MR1: variants seen among roughly 807,000 people sequenced by gnomAD.
The protein encoded by MR1 is major histocompatibility complex, class I-related, also known as major histocompatibility complex class I-related protein 1.
Under a neutral mutation model 37.8 loss-of-function variants are expected in MR1, and 44 were observed. The observed-to-expected ratio is 1.16, with a 90% CI of 0.91 to 1.50. MR1 has a LOEUF of 1.50. Ranked by LOEUF, MR1 falls within the 40% of genes most tolerant of loss-of-function variation. The pLI, the probability that MR1 is intolerant of heterozygous loss-of-function variation, is 0.00. For missense variants in MR1, 386 were observed against 419.1 expected, an observed-to-expected ratio of 0.92 and a Z score of 0.69; for synonymous variants, 153 against 155.8, an observed-to-expected ratio of 0.98 and a Z score of 0.13.
intron 5 of MR1, 96 bp downstream of exon 5, chr1:181,053,773 A>C (rs956215922): frequency 2.2e-5 from 20 of 903,770 alleles, no homozygotes; most frequent in Admixed American, 4.1e-5. Context: ...TCCATTCAGA[A>C]ATGGCTTGGC....
chr1:181,043,255 G>A (rs1657663764), intron 1 of MR1, among the ~76,000 whole-genome samples: 1 of 152,194 alleles, frequency 6.6e-6, no homozygotes. Context: ...GAGGGACATT[G>A]GGACCTTATG....
At chr1:181,039,856 A>G (rs1657461909) in intron 1 of MR1, among the ~76,000 whole-genome samples, 1 of 138,382 alleles carries the variant, frequency 7.2e-6, no homozygotes, top group Admixed American at 7.6e-5. Context: ...TCAGAGCGAG[A>G]CTCCATCTCA....
At chr1:181,054,552 T>C (rs542036747) in intron 5 of MR1, among the ~76,000 whole-genome samples, 4 of 152,242 alleles carry the variant, frequency 2.6e-5, no homozygotes, top group South Asian at 4.1e-4. Context: ...ACCCTTTTAC[T>C]AGAAAATCAG....
chr1:181,033,856 G>A (rs1048686791), upstream of MR1: 8 of 600,690 alleles, frequency 1.3e-5, no homozygotes, highest in Admixed American at 2.9e-4. Flanking sequence ...AGGTGTTCAT[G>A]CTTTCATTTT....
intron 3 of MR1, chr1:181,050,975 A>G (rs1185120938): frequency 2.0e-5 from 3 of 149,752 alleles, no homozygotes; most frequent in African/African-American, 7.4e-5. Flanking sequence ...GCAAGACCCT[A>G]TTTAAAAAAA....
rs976316764 is a variant in MR1, at chr1:181,054,677, C to T, written c.986-548C>T. On this transcript the variant is annotated intron_variant, in intron 5 of 5. Coordinates refer to ENST00000367580, the MANE Select transcript of MR1 (RefSeq NM_001385161.1). ...GATCAGCCTGGCCAACATGGTGAAA[C>T]CCTGCCTCTACTGAAAATATTAAAA... Among the ~76,000 whole-genome samples, 10 of 149,896 alleles carry T rather than the reference C, an allele frequency of 6.7e-5. No individual in the cohort carries two copies. The East Asian group carries it at 1.8e-3, about 27-fold the overall frequency.
rs1319484130 is a variant in MR1, at chr1:181,057,018, G to A, written c.*1753G>A. 6.6e-6 allele frequency: 1 copy of A among 152,224 alleles called. No individual in the cohort carries two copies. The highest frequency in any genetic ancestry group is 1.5e-5 in the Non-Finnish European group (1 of 68,164). The allele number at this position is 152,224 out of a possible 1,614,324, so 9.4% of individuals were successfully genotyped here. A position where few individuals can be genotyped will look rare whatever the true frequency, so the allele number is the denominator to read the frequency against. ...GCCTATAGTCCCAGCTACTTGGGAG[G>A]CTAAGGCAGGAGAATCACTTGAATC... On this transcript the variant is annotated 3_prime_UTR_variant, in exon 6 of 6. Transcript: ENST00000367580.
chr1:181,040,289 C>CA, intron 1 of MR1, among the ~76,000 whole-genome samples: 1 of 152,252 alleles, frequency 6.6e-6, no homozygotes, highest in Non-Finnish European at 1.5e-5. Flanking sequence ...AAGATTAGAT[C>CA]AAATGATATG....
intron 1 of MR1, among the ~76,000 whole-genome samples, chr1:181,041,446 G>C (rs1657549081): frequency 6.6e-6 from 1 of 152,212 alleles, no homozygotes; most frequent in Admixed American, 6.5e-5. Flanking sequence ...GCTTAGCTCA[G>C]CAACACAGCA....
Position 181,049,040 on chromosome 1 carries a change from C to A in MR1, c.68-12C>A. 6.2e-7 allele frequency: 1 copy of A among 1,611,034 alleles called. No homozygotes were observed. The highest frequency in any genetic ancestry group is 8.5e-7 in the Non-Finnish European group (1 of 1,178,156). On this transcript the variant is annotated splice_polypyrimidine_tract_variant and intron_variant, in intron 1 of 5. Coordinates refer to ENST00000367580, the MANE Select transcript of MR1 (RefSeq NM_001385161.1). ...GGACCCTACATGTCTTCCTTCTTTGCCTCCTTTCCAGGGACGCACTCTCTG... is the reference window on the plus strand; with the variant it reads ...GGACCCTACATGTCTTCCTTCTTTGACTCCTTTCCAGGGACGCACTCTCTG...
At chr1:181,048,955 C>G in intron 1 of MR1, 97 bp from the exon 2 acceptor site, 1 of 1,482,260 alleles carries the variant, frequency 6.7e-7, no homozygotes, top group Non-Finnish European at 9.2e-7. Flanking sequence ...CTGGGTACAG[C>G]TGAGTAGGGA....
chr1:181,045,438 C>A (rs960318523), intron 1 of MR1, among the ~76,000 whole-genome samples: 4 of 152,068 alleles, frequency 2.6e-5, no homozygotes, highest in African/African-American at 9.7e-5. Flanking sequence ...GTGCTCCAGA[C>A]GTCCCAGGCC....
intron 1 of MR1, among the ~76,000 whole-genome samples, chr1:181,037,583 A>C (rs1422109310): frequency 6.6e-6 from 1 of 152,256 alleles, no homozygotes; most frequent in Non-Finnish European, 1.5e-5. Context: ...AAGGAGCCTA[A>C]GTTAAAGATC....
At chr1:181,042,639 T>TA (rs1297747901) in intron 1 of MR1, among the ~76,000 whole-genome samples, 6 of 149,888 alleles carry the variant, frequency 4.0e-5, no homozygotes, top group South Asian at 2.1e-4. Context: ...CCGTCTATAC[T>TA]AAAAAAAAAT....
At chr1:181,051,158 G>A (rs1658295865) in intron 3 of MR1, 1 of 151,788 alleles carries the variant, frequency 6.6e-6, no homozygotes, top group Non-Finnish European at 1.5e-5. Context: ...TACAATGTGT[G>A]TGGGAAGAGT....
chr1:181,054,089 G>A (rs1170033996), intron 5 of MR1, among the ~76,000 whole-genome samples: 2 of 152,108 alleles, frequency 1.3e-5, no homozygotes, highest in Non-Finnish European at 2.9e-5. Context: ...TTCATCCCAA[G>A]CATATGAAAG....
chr1:181,040,318 G>T (rs1303740993), intron 1 of MR1, among the ~76,000 whole-genome samples: 4 of 152,100 alleles, frequency 2.6e-5, no homozygotes, highest in African/African-American at 7.2e-5. Context: ...ATTTTTATAG[G>T]TCAAAAATGG....
At chr1:181,048,957 G>A in intron 1 of MR1, 95 bp from the exon 2 acceptor site, 1 of 1,492,202 alleles carries the variant, frequency 6.7e-7, no homozygotes, top group Non-Finnish European at 9.1e-7. Flanking sequence ...GGGTACAGCT[G>A]AGTAGGGAGC....
rs114675403 is a variant in MR1 at position 181,053,360 on chromosome 1, C to T, written c.881-213C>T. ...TGGCACCACTGCACTTCCACCTGGA[C>T]GACAGAGTGAGACGCTGTCTCAAAA... On this transcript the variant is annotated intron_variant, in intron 4 of 5. Coordinates refer to ENST00000367580, the MANE Select transcript of MR1 (RefSeq NM_001385161.1). 9.3e-3 allele frequency among the ~76,000 whole-genome samples: 1,367 copies of T among 147,708 alleles called. 23 individuals carry two copies. The highest frequency in any genetic ancestry group is 0.031 in the East Asian group (156 of 5,016).
Sources: gnomAD v4.1 joint callset for allele counts (sites outside exome capture counted in the v4.1 genomes callset) on GRCh38, gnomAD v4.1.1 for gene constraint, MANE v1.5 for transcripts, NCBI Gene and HGNC (gene_info 2026-07-23, HGNC 2026-07-21) for gene names.